RNF38: variants seen among roughly 807,000 people sequenced by gnomAD.
RNF38 encodes E3 ubiquitin-protein ligase RNF38.
RNF38 carries 15 observed loss-of-function variants against 67.2 expected under a neutral mutation model. The ratio of observed to expected loss-of-function variants is 0.22; its 90% CI spans 0.15 to 0.34. The LOEUF (loss-of-function observed/expected upper bound fraction) is 0.34, where lower values mean the gene tolerates loss of function less well. Among genes scored for constraint, RNF38 ranks in the 10% least tolerant of loss-of-function variants. The probability of loss-of-function intolerance (pLI) is 1.00; values close to 1 mark genes in which losing one functional copy is unlikely to be tolerated. For missense variants in RNF38, 524 were observed against 639.9 expected, an observed-to-expected ratio of 0.82 and a Z score of 1.95; for synonymous variants, 220 against 218.8, an observed-to-expected ratio of 1.01 and a Z score of -0.05.
chr9:36,345,091 A>C (rs563172064), intron 9 of RNF38, 138 bp from the exon 10 acceptor site: 51 of 820,336 alleles, frequency 6.2e-5, no homozygotes, highest in Middle Eastern at 7.8e-4. Context: ...ATCATTGTGC[A>C]CTGTGGCCTC....
At position 36,338,954 on chromosome 9, in the gene RNF38, GGAGC is replaced by G. The variant is rs1349950438; in HGVS notation, c.*794_*797del. ...CAGAATAAAAAAAAACCAGGTTCAT[GGAGC>G]GAGAATTTGTTACACTTTTTTTTCT... is the stretch of plus-strand genomic sequence containing the variant. On this transcript the variant is annotated 3_prime_UTR_variant, in exon 12 of 12. Transcript: ENST00000259605. 6.6e-6 allele frequency: 1 copy of G among 152,596 alleles called. No individual in the cohort carries two copies. Among genetic ancestry groups the G allele is most frequent in the Non-Finnish European group, 1.5e-5 (1 of 68,038 alleles). The allele number at this position is 152,596 out of a possible 1,614,324, so 9.5% of individuals were successfully genotyped here.
Position 36,356,602 on chromosome 9 carries a change from T to C in RNF38, c.739-129A>G, listed in dbSNP as rs1484492824. ...TCATGAAAATGTTTTTAATAGCTTA[T>C]ATTAACAATGAAATACCAGTGTATT... On this transcript the variant is annotated intron_variant, in intron 5 of 11. Coordinates refer to ENST00000259605, the MANE Select transcript of RNF38 (RefSeq NM_022781.5). 8 of 659,990 alleles carry C rather than the reference T, an allele frequency of 1.2e-5. 1 individual carries two copies. The Admixed American group carries it at 1.4e-4, about 11-fold the overall frequency. The allele number at this position is 659,990 out of a possible 1,614,324, so 40.9% of individuals were successfully genotyped here.
chr9:36,366,082 T>A (rs1202473858), intron 4 of RNF38, among the ~76,000 whole-genome samples: 1 of 152,088 alleles, frequency 6.6e-6, no homozygotes, highest in Non-Finnish European at 1.5e-5. Context: ...AACCCCCATA[T>A]CCACCGCCCA....
chr9:36,376,545 A>C (rs1470669780), intron 2 of RNF38, among the ~76,000 whole-genome samples: 1 of 152,208 alleles, frequency 6.6e-6, no homozygotes, highest in African/African-American at 2.4e-5. Flanking sequence ...AGGAGATATA[A>C]TTTGAGTAGG....
intron 2 of RNF38, among the ~76,000 whole-genome samples, chr9:36,407,511 CAG>C (rs780564670): frequency 2.1e-4 from 32 of 152,178 alleles, no homozygotes; most frequent in Non-Finnish European, 4.0e-4. Context: ...AGCAGAAAAA[CAG>C]AGACCTATAC....
In RNF38 at chr9:36,385,847, T is replaced by C. The variant is rs569944024; in HGVS notation, c.162+4620A>G. On this transcript the variant is annotated intron_variant, in intron 2 of 11. Transcript: ENST00000259605. ...CGTCGCACAACCAACGCTTCAAAAA[T>C]TGAACAAATTGGGTTACAAAGTTTT... 1.1e-4 allele frequency among the ~76,000 whole-genome samples: 17 copies of C among 152,298 alleles called. 1 individual carries two copies. In the South Asian group the frequency reaches 3.5e-3, roughly 32 times the overall value.
At chr9:36,429,844 T>G (rs1319937365) in intron 1 of RNF38, among the ~76,000 whole-genome samples, 4 of 152,140 alleles carry the variant, frequency 2.6e-5, no homozygotes, top group African/African-American at 9.7e-5. Flanking sequence ...TGTACTACAG[T>G]TTTACTCATT....
At chr9:36,448,600 G>A (rs1192190616) in intron 1 of RNF38, among the ~76,000 whole-genome samples, 3 of 152,084 alleles carry the variant, frequency 2.0e-5, no homozygotes, top group Non-Finnish European at 4.4e-5. Context: ...TTAAAATGAA[G>A]AGGCAGAACT....
At position 36,357,760 on chromosome 9, in the gene RNF38, AAGAT is replaced by A; in HGVS notation, c.738+11_738+14del. Reference sequence around the variant, plus strand: ...TTAATAGTAATATCTAATGAGAACAAAGATAGAGACTTACTGGAGGAGGCACACT... The same window carrying A: ...TTAATAGTAATATCTAATGAGAACAAAGAGACTTACTGGAGGAGGCACACT... On this transcript the variant is annotated intron_variant, in intron 5 of 11. Coordinates refer to ENST00000259605, the MANE Select transcript of RNF38 (RefSeq NM_022781.5). The A allele has an allele frequency of 6.2e-7, 1 of 1,610,136 alleles. No individual in the cohort carries two copies. Among genetic ancestry groups the A allele is most frequent in the Non-Finnish European group, 8.5e-7 (1 of 1,177,138 alleles).
At chr9:36,403,189 A>G (rs758519523), upstream of RNF38, among the ~76,000 whole-genome samples, 1 of 152,244 alleles carries the variant, frequency 6.6e-6, no homozygotes, top group Non-Finnish European at 1.5e-5. Flanking sequence ...GCCACCTTTG[A>G]CACCTAATGT....
intron 1 of RNF38, among the ~76,000 whole-genome samples, chr9:36,462,203 G>C (rs1839748783): frequency 6.6e-6 from 1 of 152,134 alleles, no homozygotes; most frequent in Non-Finnish European, 1.5e-5. Context: ...CAGTTTCAGG[G>C]AACTGGAATA....
intron 5 of RNF38, 150 bp downstream of exon 5, chr9:36,357,625 T>C (rs1834225701): frequency 4.0e-6 from 2 of 502,294 alleles, no homozygotes; most frequent in South Asian, 9.9e-5. Flanking sequence ...TACTTGAAAG[T>C]GAAACTACAA....
intron 1 of RNF38, among the ~76,000 whole-genome samples, chr9:36,469,248 A>AT (rs1358484350): frequency 1.3e-5 from 2 of 152,222 alleles, no homozygotes; most frequent in African/African-American, 4.8e-5. Flanking sequence ...AGAGAGACAT[A>AT]TCACAGTAAA....
intron 1 of RNF38, among the ~76,000 whole-genome samples, chr9:36,427,546 A>G (rs1838803645): frequency 6.6e-6 from 1 of 152,086 alleles, no homozygotes; most frequent in African/African-American, 2.4e-5. Flanking sequence ...ATCCCAAAGA[A>G]TCCCTCACCC....
chr9:36,345,778 C>CTAA (rs1427455277), intron 9 of RNF38, among the ~76,000 whole-genome samples: 1 of 151,726 alleles, frequency 6.6e-6, no homozygotes, highest in Non-Finnish European at 1.5e-5. Flanking sequence ...TTACCATGGC[C>CTAA]TAATATGTCT....
intron 3 of RNF38, among the ~76,000 whole-genome samples, chr9:36,373,447 ATGAC>A (rs1835540184): frequency 6.6e-6 from 1 of 152,328 alleles, no homozygotes; most frequent in South Asian, 2.1e-4. Flanking sequence ...ATTAAAAACT[ATGAC>A]TGAACAGGGA....
chr9:36,344,896 C>A lies in RNF38; in HGVS notation c.1321G>T (p.Ala441Ser), dbSNP rs776715570. Residue 441 changes from alanine to serine, a missense_variant, in exon 10 of 12, where the codon GCA (alanine) becomes TCA (serine). Physicochemically the swap from Ala to Ser is moderately conservative, Grantham distance 99. Coordinates refer to ENST00000259605, the MANE Select transcript of RNF38 (RefSeq NM_022781.5). Reference protein sequence around the residue: ...GEAKPRGLTKADIEQLPSYRF... With the variant: ...GEAKPRGLTKSDIEQLPSYRF... ...TAAGAAGGAAGTTGTTCAATATCTGCTTTAGTCAGTCCACGAGGCTTTGCC... is the reference window on the plus strand; with the variant it reads ...TAAGAAGGAAGTTGTTCAATATCTGATTTAGTCAGTCCACGAGGCTTTGCC... The A allele has an allele frequency of 4.1e-5, 66 of 1,613,978 alleles. No homozygotes were observed. The South Asian group carries it at 6.6e-4, about 16-fold the overall frequency.
intron 1 of RNF38, among the ~76,000 whole-genome samples, chr9:36,393,585 C>T (rs1237354778): frequency 6.6e-6 from 1 of 151,166 alleles, no homozygotes; most frequent in African/African-American, 2.4e-5. Context: ...TCCTGTACAA[C>T]CCCCTTCCCC....
In RNF38 at chr9:36,339,723, C is replaced by T; in HGVS notation, c.*29G>A. The stretch of plus-strand genomic sequence containing the variant: ...CGTATATACATGTGATGAGGAACAC[C>T]CAAACTAAATTTGTGCTTCTTAGGT... On this transcript the variant is annotated 3_prime_UTR_variant, in exon 12 of 12. Transcript: ENST00000259605. 1 of 1,589,330 alleles carries T rather than the reference C, an allele frequency of 6.3e-7. No individual in the cohort carries two copies. Among genetic ancestry groups the T allele is most frequent in the South Asian group, 1.1e-5 (1 of 89,404 alleles).
Sources: gnomAD v4.1 joint callset for allele counts (sites outside exome capture counted in the v4.1 genomes callset) on GRCh38, gnomAD v4.1.1 for gene constraint, MANE v1.5 for transcripts, NCBI Gene and HGNC (gene_info 2026-07-23, HGNC 2026-07-21) for gene names.